The following ATP6V1B1 variants were observed in gnomAD, a reference collection of about 807,000 sequenced individuals.
ATP6V1B1 encodes the protein V-type proton ATPase subunit B, kidney isoform.
Under a neutral mutation model 62.1 loss-of-function variants are expected in ATP6V1B1, and 41 were observed. That is an observed-to-expected ratio of 0.66 (90% CI 0.51 to 0.86). The LOEUF (loss-of-function observed/expected upper bound fraction) is 0.86. Ranked by LOEUF, ATP6V1B1 falls within the 40% of genes least tolerant of loss-of-function variation. ATP6V1B1 has a pLI of 0.00. For synonymous variants in ATP6V1B1, 253 were observed against 273.4 expected, an observed-to-expected ratio of 0.93 and a Z score of 0.74; for missense variants, 651 against 697.5, an observed-to-expected ratio of 0.93 and a Z score of 0.75.
At position 70,935,984 on chromosome 2, in the gene ATP6V1B1, G is replaced by C. The variant is rs782382032; in HGVS notation, c.30G>C (p.Gly10=). The part of the protein sequence containing the change: MAMEIDSRP[G]GLPGSSCNLG... ...CCATGGAGATAGACAGCAGGCCTGG[G>C]GGGCTCCCCGGCAGTAGCTGCAACC... Residue 10 remains glycine, a synonymous_variant, in exon 1 of 14, where the codon GGG becomes GGC. Coordinates refer to ENST00000234396, the MANE Select transcript of ATP6V1B1 (RefSeq NM_001692.4). 3 of 1,613,990 alleles carry C rather than the reference G, an allele frequency of 1.9e-6. No homozygotes were observed. The highest frequency in any genetic ancestry group is 1.7e-6 in the Non-Finnish European group (2 of 1,179,934).
chr2:70,952,878 T>C (rs981869540), intron 2 of ATP6V1B1, among the ~76,000 whole-genome samples: 1 of 152,240 alleles, frequency 6.6e-6, no homozygotes, highest in Non-Finnish European at 1.5e-5. Flanking sequence ...CTGAATAGAA[T>C]GAGAATAGCA....
At chr2:70,945,058 A>G (rs1160107259) in intron 2 of ATP6V1B1, among the ~76,000 whole-genome samples, 1 of 152,148 alleles carries the variant, frequency 6.6e-6, no homozygotes, top group African/African-American at 2.4e-5. Context: ...CACCTGAAAT[A>G]GTGTCTGCAT....
In ATP6V1B1 at chr2:70,959,308, C is replaced by T. The variant is rs1376224364; in HGVS notation, c.445+213C>T. Among the ~76,000 whole-genome samples the T allele has an allele frequency of 4.6e-5, 7 of 152,244 alleles. No homozygotes were observed. The highest frequency in any genetic ancestry group is 3.2e-3 in the Middle Eastern group (1 of 316). On this transcript the variant is annotated intron_variant, in intron 5 of 13. Coordinates refer to ENST00000234396, the MANE Select transcript of ATP6V1B1 (RefSeq NM_001692.4). This position sits in a 1 kb window ranked among gnomAD's most constrained non-coding sequence, Gnocchi z 4.2. Reference sequence around the variant, plus strand: ...GCCATCATCATTGGGCAGTGTTCCACGCCTGCCCGAAGGCCATCATGCCCC... The same window carrying T: ...GCCATCATCATTGGGCAGTGTTCCATGCCTGCCCGAAGGCCATCATGCCCC...
chr2:70,957,087 C>CTTTTTTT (rs56407020), intron 2 of ATP6V1B1, among the ~76,000 whole-genome samples: 3 of 125,156 alleles, frequency 2.4e-5, no homozygotes, highest in Non-Finnish European at 3.4e-5. Flanking sequence ...AGTTCTTCTT[C>CTTTTTTT]TTTTTTTTTT....
At chr2:70,956,635 C>T (rs1680439022) in intron 2 of ATP6V1B1, among the ~76,000 whole-genome samples, 1 of 152,132 alleles carries the variant, frequency 6.6e-6, no homozygotes, top group Non-Finnish European at 1.5e-5. Flanking sequence ...CGGAGTCTTT[C>T]TCTGTTGGCC....
At chr2:70,946,877 G>T (rs568878253) in intron 2 of ATP6V1B1, among the ~76,000 whole-genome samples, 11 of 152,148 alleles carry the variant, frequency 7.2e-5, no homozygotes, top group Non-Finnish European at 1.3e-4. Context: ...TAGGTCCCCA[G>T]ACCTGTGGTT....
chr2:70,949,196 G>A (rs1452386391), intron 2 of ATP6V1B1, among the ~76,000 whole-genome samples: 1 of 151,864 alleles, frequency 6.6e-6, no homozygotes, highest in Non-Finnish European at 1.5e-5. Flanking sequence ...TTGACCTCGG[G>A]GTCAGTCCCT....
At chr2:70,954,701 T>G (rs1011092667) in intron 2 of ATP6V1B1, among the ~76,000 whole-genome samples, 5 of 152,182 alleles carry the variant, frequency 3.3e-5, no homozygotes, top group African/African-American at 1.2e-4. Context: ...CAGGCTGATC[T>G]CAACCTCCTA....
At position 70,943,434 on chromosome 2, in the gene ATP6V1B1, C is replaced by T. The variant is rs1328659622; in HGVS notation, c.119-224C>T. ...GAGGAGGCCTCTGCCCTCTGCCTGGCCCTCCCCCAGCCTCCTGCAGGTGTC... is the reference window on the plus strand; with the variant it reads ...GAGGAGGCCTCTGCCCTCTGCCTGGTCCTCCCCCAGCCTCCTGCAGGTGTC... On this transcript the variant is annotated intron_variant, in intron 1 of 13. Transcript: ENST00000234396. 1.3e-5 allele frequency: 9 copies of T among 673,872 alleles called. No individual in the cohort carries two copies. The Admixed American group carries it at 1.9e-4, about 14-fold the overall frequency. The allele number at this position is 673,872 out of a possible 1,614,324, so 41.7% of individuals were successfully genotyped here. A position where few individuals can be genotyped will look rare whatever the true frequency, so the allele number is the denominator to read the frequency against.
At chr2:70,945,829 C>G (rs1276249795) in intron 2 of ATP6V1B1, among the ~76,000 whole-genome samples, 1 of 145,440 alleles carries the variant, frequency 6.9e-6, no homozygotes, top group Non-Finnish European at 1.5e-5. Context: ...CAGATTTTTC[C>G]CTCTGCCTCC....
intron 1 of ATP6V1B1, among the ~76,000 whole-genome samples, chr2:70,938,150 C>G (rs1679903004): frequency 6.6e-6 from 1 of 152,130 alleles, no homozygotes; most frequent in East Asian, 1.9e-4. Context: ...TGCCCTCCCA[C>G]CCCCAGGGGA....
intron 4 of ATP6V1B1, 71 bp from the exon 5 acceptor site, chr2:70,958,947 T>C: frequency 6.8e-7 from 1 of 1,461,990 alleles, no homozygotes; most frequent in Non-Finnish European, 9.5e-7. Context: ...GGTGGTGGTG[T>C]GGAGGGTAGA....
intron 2 of ATP6V1B1, among the ~76,000 whole-genome samples, chr2:70,956,952 C>T (rs190135411): frequency 8.0e-4 from 122 of 152,206 alleles, no homozygotes; most frequent in African/African-American, 2.9e-3. Flanking sequence ...TTTTGATTTT[C>T]GTTTCCCTAA....
At position 70,963,186 on chromosome 2, in the gene ATP6V1B1, C is replaced by T; in HGVS notation, c.934C>T (p.Pro312Ser). Reference protein sequence around the residue: ...REVSAAREEVPGRRGFPGYMY... With the variant: ...REVSAAREEVSGRRGFPGYMY... Reference sequence around the variant, plus strand: ...GGTCTCTGCTGCTAGAGAGGAGGTGCCTGGGCGCCGAGGGTTTCCTGGATA... The same window carrying T: ...GGTCTCTGCTGCTAGAGAGGAGGTGTCTGGGCGCCGAGGGTTTCCTGGATA... The change falls in exon 10 of 14, where the codon CCT becomes TCT. Residue 312 changes from proline (P) to serine (S), a missense_variant. Coordinates refer to ENST00000234396, the MANE Select transcript of ATP6V1B1 (RefSeq NM_001692.4). This position sits in a 1 kb window ranked among gnomAD's most constrained non-coding sequence, Gnocchi z 4.3. The T allele has an allele frequency of 1.2e-6, 2 of 1,614,134 alleles. No individual in the cohort carries two copies. The highest frequency in any genetic ancestry group is 1.7e-6 in the Non-Finnish European group (2 of 1,180,032).
chr2:70,936,169 G>A (rs782268926), intron 1 of ATP6V1B1, 97 bp downstream of exon 1: 13 of 1,307,464 alleles, frequency 9.9e-6, no homozygotes, highest in Admixed American at 1.9e-5. Flanking sequence ...AGAAAAGGAG[G>A]AGGACCCAAG....
intron 2 of ATP6V1B1, among the ~76,000 whole-genome samples, chr2:70,947,918 T>A (rs1680224432): frequency 6.6e-6 from 1 of 152,192 alleles, no homozygotes; most frequent in African/African-American, 2.4e-5. Context: ...GCTCCTGGAC[T>A]AGCTATCCCC....
At chr2:70,961,131 C>G in intron 7 of ATP6V1B1, 109 bp downstream of exon 7, 1 of 1,216,962 alleles carries the variant, frequency 8.2e-7, no homozygotes, top group Admixed American at 2.0e-5. Context: ...AGTGTCCCGG[C>G]CAGCCAGGAG....
chr2:70,964,496 G>A lies in ATP6V1B1; in HGVS notation c.1202G>A (p.Gly401Glu). The A allele has an allele frequency of 6.2e-7, 1 of 1,614,158 alleles. No individual in the cohort carries two copies. Among genetic ancestry groups the A allele is most frequent in the Non-Finnish European group, 8.5e-7 (1 of 1,180,028 alleles). Residue 401 changes from glycine (G) to glutamate (E), a missense_variant, in exon 12 of 14, where the codon GGG becomes GAG. Coordinates refer to ENST00000234396, the MANE Select transcript of ATP6V1B1 (RefSeq NM_001692.4). ...SLSRLMKSAI[G>E]EGMTRKDHGD... Reference sequence around the variant, plus strand: ...TCGCGGCTGATGAAGTCAGCCATTGGGGAAGGCATGACAAGAAAGGACCAT... The same window carrying A: ...TCGCGGCTGATGAAGTCAGCCATTGAGGAAGGCATGACAAGAAAGGACCAT...
intron 2 of ATP6V1B1, among the ~76,000 whole-genome samples, chr2:70,957,596 A>G (rs1387630185): frequency 6.8e-6 from 1 of 147,634 alleles, no homozygotes; most frequent in Admixed American, 6.6e-5. Context: ...GAGGCAGCCC[A>G]GTCATTATTA....
Sources: gnomAD v4.1 joint callset for allele counts (sites outside exome capture counted in the v4.1 genomes callset) on GRCh38, gnomAD v4.1.1 for gene constraint, Gnocchi (gnomAD v3.1) non-coding constraint, MANE v1.5 for transcripts, NCBI Gene and HGNC (gene_info 2026-07-23, HGNC 2026-07-21) for gene names.